Variants in USP7 observed in about 807,000 individuals in gnomAD.
The protein encoded by USP7 is ubiquitin specific peptidase 7.
Under a neutral mutation model 162.9 loss-of-function variants are expected in USP7, and 9 were observed. That is an observed-to-expected ratio of 0.06 (90% CI 0.03 to 0.10). The LOEUF is 0.10. Ranked by LOEUF, USP7 falls within the 10% of genes least tolerant of loss-of-function variation. The pLI is 1.00. For missense variants in USP7, 715 were observed against 1,373.7 expected (o/e 0.52, Z 7.58); for synonymous variants, 562 against 475.9 (o/e 1.18, Z -2.35).
intron 1 of USP7, among the ~76,000 whole-genome samples, chr16:8,932,907 C>A (rs1300222628): frequency 8.6e-5 from 13 of 151,538 alleles, no homozygotes; most frequent in East Asian, 1.9e-4. Context: ...GAAAAAAAAA[C>A]CAATGAAGGC....
chr16:8,914,508 G>GA (rs1443932029), intron 10 of USP7, among the ~76,000 whole-genome samples: 1 of 152,110 alleles, frequency 6.6e-6, no homozygotes, highest in Admixed American at 6.6e-5. Context: ...AGCAAAAGAA[G>GA]AAAGATTTCA....
At chr16:8,946,040 A>G (rs1417588907) in intron 1 of USP7, among the ~76,000 whole-genome samples, 1 of 152,196 alleles carries the variant, frequency 6.6e-6, no homozygotes, top group Non-Finnish European at 1.5e-5. Context: ...GATTTTTGAC[A>G]AAGGTACAAA....
intron 16 of USP7, 73 bp from the exon 17 acceptor site, chr16:8,902,555 A>C: frequency 8.7e-7 from 1 of 1,148,778 alleles, no homozygotes; most frequent in Non-Finnish European, 1.3e-6. Flanking sequence ...ACACACACAT[A>C]TGTATATACA....
intron 1 of USP7, among the ~76,000 whole-genome samples, chr16:8,940,527 CG>C (rs1898991443): frequency 6.6e-6 from 1 of 151,972 alleles, no homozygotes; most frequent in South Asian, 2.1e-4. Flanking sequence ...CAACCCAGGG[CG>C]GGAGGTGGGG....
intron 2 of USP7, among the ~76,000 whole-genome samples, chr16:8,926,066 A>C (rs897984981): frequency 3.9e-5 from 6 of 152,060 alleles, no homozygotes; most frequent in Non-Finnish European, 7.4e-5. Context: ...AGGCAGGAGA[A>C]TGGCGTGAAC....
At chr16:8,900,219 AGGTAC>A (rs2061752142) in intron 21 of USP7, 2 of 333,582 alleles carry the variant, frequency 6.0e-6, no homozygotes, top group African/African-American at 2.2e-5. Context: ...TTACCCAAGT[AGGTAC>A]ATTCTAAGGA....
chr16:8,926,265 G>A (rs911540683), intron 2 of USP7, among the ~76,000 whole-genome samples: 77 of 152,242 alleles, frequency 5.1e-4, no homozygotes, highest in African/African-American at 1.8e-3. Context: ...ATAACCTGAG[G>A]TCAGGAGTTT....
intron 1 of USP7, among the ~76,000 whole-genome samples, chr16:8,948,787 C>A (rs527985111): frequency 6.6e-6 from 1 of 152,134 alleles, no homozygotes; most frequent in Non-Finnish European, 1.5e-5. Context: ...CACAGCGAAA[C>A]CCCGTCTCTA....
chr16:8,911,377 C>T (rs879836881), intron 10 of USP7, among the ~76,000 whole-genome samples: 3 of 152,178 alleles, frequency 2.0e-5, no homozygotes, highest in Non-Finnish European at 4.4e-5. Flanking sequence ...CAAGGACACA[C>T]TATTTCCCTA....
chr16:8,914,986 A>G (rs1023987502), intron 10 of USP7, among the ~76,000 whole-genome samples: 1 of 152,210 alleles, frequency 6.6e-6, no homozygotes, highest in Admixed American at 6.5e-5. Flanking sequence ...TAAAACATGC[A>G]AAGTTAACCC....
At position 8,905,225 on chromosome 16, in the gene USP7, T is replaced by C. The variant is rs1312508442; in HGVS notation, c.1535A>G (p.Asn512Ser). ...CCTGATGTAGACTAACATGTAAGCA[T>C]TAGTGCAGTGTCGAACAGACAGGTC... is the stretch of plus-strand genomic sequence containing the variant. ...DDDLSVRHCT[N>S]AYMLVYIRES... Residue 512 changes from asparagine to serine, a missense_variant, in exon 14 of 31, where the codon AAT becomes AGT. Physicochemically the swap from Asn to Ser is conservative, Grantham distance 46 (BLOSUM62 1). Transcript: ENST00000344836. The C allele has an allele frequency of 1.2e-6, 2 of 1,614,070 alleles. No homozygotes were observed. Among genetic ancestry groups the C allele is most frequent in the Non-Finnish European group, 1.7e-6 (2 of 1,180,034 alleles).
chr16:8,955,005 C>G (rs1383202022), intron 1 of USP7, among the ~76,000 whole-genome samples: 1 of 152,208 alleles, frequency 6.6e-6, no homozygotes, highest in East Asian at 1.9e-4. Context: ...ATTGCTGTTT[C>G]ACACAACATT....
In USP7 at chr16:8,898,609, T is replaced by C. The variant is rs1391214735; in HGVS notation, c.2562A>G (p.Arg854=). ...CTCTTAAAGTACCTTCATAATTATG[T>C]CTAAGAGGATTACCTGGGCCATCCC... ...GYRDGPGNPL[R]HNYEGTLRDL... The change falls in exon 24 of 31, where the codon AGA becomes AGG. Residue 854 remains arginine, a synonymous_variant. Transcript: ENST00000344836. 1 of 1,608,244 alleles carries C rather than the reference T, an allele frequency of 6.2e-7. No individual in the cohort carries two copies. The highest frequency in any genetic ancestry group is 8.5e-7 in the Non-Finnish European group (1 of 1,178,400).
chr16:8,907,331 G>A (rs886993706), intron 12 of USP7, among the ~76,000 whole-genome samples: 2 of 152,206 alleles, frequency 1.3e-5, no homozygotes, highest in African/African-American at 4.8e-5. Context: ...TGTGGTTTCT[G>A]GCTGAGACAG....
At chr16:8,917,334 G>A (rs543262754) in intron 6 of USP7, among the ~76,000 whole-genome samples, 178 bp from the exon 7 acceptor site, 4 of 152,296 alleles carry the variant, frequency 2.6e-5, no homozygotes, top group African/African-American at 7.2e-5. Context: ...AATCATGAAC[G>A]TCTTTAGGGA....
intron 4 of USP7, 28 bp from the exon 5 acceptor site, chr16:8,920,475 C>A (rs760449017): frequency 1.1e-5 from 18 of 1,582,138 alleles, no homozygotes; most frequent in Non-Finnish European, 1.6e-5. Flanking sequence ...GAATATCCAG[C>A]TTGAATAAGA....
At position 8,910,735 on chromosome 16, in the gene USP7, C is replaced by A; in HGVS notation, c.1161+10G>T. The A allele has an allele frequency of 6.2e-7, 1 of 1,613,390 alleles. No homozygotes were observed. Among genetic ancestry groups the A allele is most frequent in the Non-Finnish European group, 8.5e-7 (1 of 1,179,452 alleles). ...TACAACAGGACACTAGCACAAAACA[C>A]TCAATTTACCTGTAAGCCATGTTCC... On this transcript the variant is annotated intron_variant, in intron 11 of 30. Transcript: ENST00000344836.
rs201149864 is a variant in USP7, at chr16:8,903,258, C to T, written c.1839+10G>A. On this transcript the variant is annotated intron_variant, in intron 16 of 30. Transcript: ENST00000344836. ...CCACGGTGGGGTATATCCACGGGAC[C>T]GGTACGCACCATGGTCTGAGAGAGG... 5.0e-5 allele frequency: 80 copies of T among 1,608,484 alleles called. No homozygotes were observed. The highest frequency in any genetic ancestry group is 6.7e-5 in the Admixed American group (4 of 59,462).
At chr16:8,928,782 G>T (rs2141226941) in intron 2 of USP7, among the ~76,000 whole-genome samples, 1 of 152,332 alleles carries the variant, frequency 6.6e-6, no homozygotes, top group Admixed American at 6.5e-5. Flanking sequence ...CGGGTCCTAT[G>T]GCGTGGCACC....
Sources: gnomAD v4.1 joint callset for allele counts (sites outside exome capture counted in the v4.1 genomes callset) on GRCh38, gnomAD v4.1.1 for gene constraint, MANE v1.5 for transcripts, NCBI Gene and HGNC (gene_info 2026-07-23, HGNC 2026-07-21) for gene names.